Variants in WTIP observed in about 807,000 individuals in gnomAD.
The protein encoded by WTIP is Wilms tumor protein 1-interacting protein.
A neutral mutation model predicts 41.7 loss-of-function variants in WTIP; 23 were observed. The observed-to-expected ratio is 0.55, with a 90% CI of 0.40 to 0.78. The LOEUF is 0.78. Ranked by LOEUF, WTIP falls within the 30% of genes least tolerant of loss-of-function variation. The pLI is 0.00. For missense variants in WTIP, 619 were observed against 610.5 expected, an observed-to-expected ratio of 1.01 and a Z score of -0.15; for synonymous variants, 314 against 269.9, an observed-to-expected ratio of 1.16 and a Z score of -1.60.
intron 1 of WTIP, among the ~76,000 whole-genome samples, chr19:34,489,140 A>T (rs1213737295): frequency 1.4e-5 from 2 of 141,016 alleles, no homozygotes; most frequent in African/African-American, 5.2e-5. Context: ...TGGAGGTTGC[A>T]GTGAGTCGAG....
rs866334629 is a variant in WTIP, at chr19:34,506,926, A to G, written c.*6657A>G. 6.6e-6 allele frequency: 1 copy of G among 150,896 alleles called. No individual in the cohort carries two copies. The highest frequency in any genetic ancestry group is 2.1e-4 in the South Asian group (1 of 4,770). The allele number at this position is 150,896 out of a possible 1,614,324, so 9.3% of individuals were successfully genotyped here. ...GAAACTTTGCTCTTTTCATTTAATA[A>G]TTGTGTTCAGCCTGGCCGGGCGCGG... is the stretch of plus-strand genomic sequence containing the variant. On this transcript the variant is annotated 3_prime_UTR_variant, in exon 8 of 8. Transcript: ENST00000590071.
At chr19:34,499,861 G>A (rs756105378) in intron 7 of WTIP, among the ~76,000 whole-genome samples, 17 of 152,030 alleles carry the variant, frequency 1.1e-4, no homozygotes, top group Non-Finnish European at 1.8e-4. Flanking sequence ...CACTATGCCC[G>A]GCTAATTTTG....
At chr19:34,492,722 A>G (rs1214518754) in intron 2 of WTIP, among the ~76,000 whole-genome samples, 1 of 151,534 alleles carries the variant, frequency 6.6e-6, no homozygotes, top group Non-Finnish European at 1.5e-5. Flanking sequence ...CATTCCCGAA[A>G]ATTTGCTGTG....
chr19:34,483,781 TC>T (rs1371796775), intron 1 of WTIP, among the ~76,000 whole-genome samples: 1 of 152,094 alleles, frequency 6.6e-6, no homozygotes. Flanking sequence ...GGCGAGAACT[TC>T]CCAACCCGCC....
At position 34,496,886 on chromosome 19, in the gene WTIP, T is replaced by G. The variant is rs968306650; in HGVS notation, c.1152+1115T>G. On this transcript the variant is annotated intron_variant, in intron 7 of 7. Coordinates refer to ENST00000590071, the MANE Select transcript of WTIP (RefSeq NM_001080436.2). ...CTCTGAATCTTTTTTTTTGTTGAGA[T>G]GAGTCTCACTCCGTTGCCCAGGCTG... Among the ~76,000 whole-genome samples, 7 of 151,796 alleles carry G rather than the reference T, an allele frequency of 4.6e-5. No individual in the cohort carries two copies. In the South Asian group the frequency reaches 1.5e-3, roughly 32 times the overall value.
chr19:34,482,356 C>A lies in WTIP; in HGVS notation c.382C>A (p.Pro128Thr). The A allele has an allele frequency of 7.2e-7, 1 of 1,385,630 alleles. No individual in the cohort carries two copies. Among genetic ancestry groups the A allele is most frequent in the Non-Finnish European group, 9.4e-7 (1 of 1,064,908 alleles). 85.8% of individuals were successfully genotyped at this position (1,385,630 alleles called of 1,614,324 possible). ...CAGCCCGCGCTCCGGTCGCTCGGAC[C>A]CGCGTCCCGGTCCCGGGCCGCCTTC... is the stretch of plus-strand genomic sequence containing the variant. ...HGSPRSGRSD[P>T]RPGPGPPSVG... The change falls in exon 1 of 8, where the codon CCG (proline) becomes ACG (threonine). Residue 128 changes from proline (P) to threonine (T), a missense_variant. By Grantham distance (38) the Pro-to-Thr change is conservative (BLOSUM62 -1). This residue lies in a region of WTIP where 363 missense variants were observed against 309.0 expected (regional missense o/e 1.17). Coordinates refer to ENST00000590071, the MANE Select transcript of WTIP (RefSeq NM_001080436.2).
At chr19:34,499,935 C>T (rs2075875346) in intron 7 of WTIP, among the ~76,000 whole-genome samples, 194 bp from the exon 8 acceptor site, 1 of 152,020 alleles carries the variant, frequency 6.6e-6, no homozygotes, top group South Asian at 2.1e-4. Flanking sequence ...CTGACCGAAG[C>T]GATGATCCAG....
chr19:34,494,425 G>A (rs957535393), intron 5 of WTIP, among the ~76,000 whole-genome samples, 161 bp from the exon 6 acceptor site: 4 of 151,958 alleles, frequency 2.6e-5, no homozygotes, highest in Non-Finnish European at 4.4e-5. Context: ...GTACAGGAAG[G>A]CATGGCAGAA....
chr19:34,492,265 C>A (rs1484474620), intron 2 of WTIP, among the ~76,000 whole-genome samples: 1 of 150,836 alleles, frequency 6.6e-6, no homozygotes, highest in African/African-American at 2.4e-5. Context: ...CAGACACGTA[C>A]CACCACGACT....
chr19:34,489,462 G>A (rs986588498), intron 1 of WTIP, among the ~76,000 whole-genome samples: 1 of 152,266 alleles, frequency 6.6e-6, no homozygotes, highest in South Asian at 2.1e-4. Flanking sequence ...GGGTACAGAG[G>A]AGGACAGAGT....
At chr19:34,497,558 G>C (rs966390355) in intron 7 of WTIP, among the ~76,000 whole-genome samples, 4 of 152,164 alleles carry the variant, frequency 2.6e-5, no homozygotes, top group Non-Finnish European at 5.9e-5. Flanking sequence ...AGGGAGCACT[G>C]TCATTTAAGG....
intron 7 of WTIP, among the ~76,000 whole-genome samples, chr19:34,497,332 T>A (rs866533067): frequency 1.3e-5 from 2 of 152,274 alleles, no homozygotes; most frequent in Middle Eastern, 3.4e-3. Flanking sequence ...ATGATGGGCC[T>A]CCCTGGTCTG....
Position 34,500,402 on chromosome 19 carries a change from A to C in WTIP, c.*133A>C, listed in dbSNP as rs1599966296. ...CCGAGCTGCTGTCTGCAGGGGCCGG[A>C]CCCCCGCGTGGAAGCTTCTATTTAT... is the stretch of plus-strand genomic sequence containing the variant. On this transcript the variant is annotated 3_prime_UTR_variant, in exon 8 of 8. Transcript: ENST00000590071. 8.1e-7 allele frequency: 1 copy of C among 1,237,252 alleles called. No individual in the cohort carries two copies. Among genetic ancestry groups the C allele is most frequent in the Non-Finnish European group, 1.1e-6 (1 of 933,996 alleles). 76.6% of individuals were successfully genotyped at this position (1,237,252 alleles called of 1,614,324 possible). A position where few individuals can be genotyped will look rare whatever the true frequency, so the allele number is the denominator to read the frequency against.
chr19:34,483,269 C>T (rs2075780090), intron 1 of WTIP, among the ~76,000 whole-genome samples: 1 of 151,058 alleles, frequency 6.6e-6, no homozygotes, highest in Non-Finnish European at 1.5e-5. Flanking sequence ...AGCGATCCGC[C>T]CTCCTCGGCC....
intron 1 of WTIP, among the ~76,000 whole-genome samples, chr19:34,490,064 C>G (rs1352582154): frequency 1.3e-5 from 2 of 152,240 alleles, no homozygotes; most frequent in Non-Finnish European, 2.9e-5. Flanking sequence ...CATAGTGAGA[C>G]TCTGTCCCTA....
In WTIP at chr19:34,500,426, A is replaced by G; in HGVS notation, c.*157A>G. ...GACCCCCGCGTGGAAGCTTCTATTT[A>G]TTCACCGTCTGTGCCTGCTCAAGTC... On this transcript the variant is annotated 3_prime_UTR_variant, in exon 8 of 8. Coordinates refer to ENST00000590071, the MANE Select transcript of WTIP (RefSeq NM_001080436.2). 1 of 1,077,350 alleles carries G rather than the reference A, an allele frequency of 9.3e-7. No individual in the cohort carries two copies. The highest frequency in any genetic ancestry group is 1.9e-5 in the South Asian group (1 of 52,414). 66.7% of individuals were successfully genotyped at this position (1,077,350 alleles called of 1,614,324 possible).
intron 1 of WTIP, among the ~76,000 whole-genome samples, chr19:34,483,551 G>T (rs1185931811): frequency 6.6e-6 from 1 of 152,226 alleles, no homozygotes; most frequent in Non-Finnish European, 1.5e-5. Flanking sequence ...CACTTTGCGG[G>T]AGAGGGGAAC....
intron 1 of WTIP, among the ~76,000 whole-genome samples, chr19:34,486,453 C>T (rs895103245): frequency 2.2e-4 from 33 of 151,858 alleles, no homozygotes; most frequent in African/African-American, 8.0e-4. Flanking sequence ...CCGCAACCTC[C>T]GCCTCCCAGG....
rs2075914087 is a variant in WTIP, at chr19:34,506,905, CTT to C, written c.*6638_*6639del. On this transcript the variant is annotated 3_prime_UTR_variant, in exon 8 of 8. Coordinates refer to ENST00000590071, the MANE Select transcript of WTIP (RefSeq NM_001080436.2). ...TGAAGGTAAGAAAGAGCGGGAGAAA[CTT>C]TGCTCTTTTCATTTAATAATTGTGT... 6.6e-6 allele frequency: 1 copy of C among 151,726 alleles called. No individual in the cohort carries two copies. The highest frequency in any genetic ancestry group is 1.9e-4 in the East Asian group (1 of 5,142). 9.4% of individuals were successfully genotyped at this position (151,726 alleles called of 1,614,324 possible). A position where few individuals can be genotyped will look rare whatever the true frequency, so the allele number is the denominator to read the frequency against.
Sources: gnomAD v4.1 joint callset for allele counts (sites outside exome capture counted in the v4.1 genomes callset) on GRCh38, gnomAD v4.1.1 for gene constraint, gnomAD v4.1.1 regional missense constraint, MANE v1.5 for transcripts, NCBI Gene and HGNC (gene_info 2026-07-23, HGNC 2026-07-21) for gene names.